FBXL7: variants seen among roughly 807,000 people sequenced by gnomAD.
The protein encoded by FBXL7 is F-box and leucine rich repeat protein 7.
Under a neutral mutation model 38.3 loss-of-function variants are expected in FBXL7, and 12 were observed. That is an observed-to-expected ratio of 0.31 (90% CI 0.20 to 0.51). FBXL7 has a LOEUF of 0.51. Ranked by LOEUF, FBXL7 falls within the 20% of genes least tolerant of loss-of-function variation. FBXL7 has a pLI of 0.98. For missense variants in FBXL7, 567 were observed against 676.4 expected, an observed-to-expected ratio of 0.84 and a Z score of 1.79; for synonymous variants, 297 against 300.9, an observed-to-expected ratio of 0.99 and a Z score of 0.13.
At chr5:15,619,913 GTCACTTCGTAGAA>G (rs1353592736) in intron 2 of FBXL7, among the ~76,000 whole-genome samples, 2 of 152,180 alleles carry the variant, frequency 1.3e-5, no homozygotes, top group African/African-American at 2.4e-5. Context: ...CACAGGTGTT[GTCACTTCGTAGAA>G]AACTCATGCA....
chr5:15,516,558 T>C (rs1580347044), intron 1 of FBXL7, among the ~76,000 whole-genome samples: 1 of 152,222 alleles, frequency 6.6e-6, no homozygotes, highest in Non-Finnish European at 1.5e-5. Flanking sequence ...CTATTCTAGA[T>C]TGATATGGTT....
chr5:15,529,462 T>C (rs967659706), intron 1 of FBXL7, among the ~76,000 whole-genome samples: 2 of 152,016 alleles, frequency 1.3e-5, no homozygotes, highest in South Asian at 2.1e-4. Context: ...CTCGGCTCAC[T>C]GCAAGCTCTG....
chr5:15,762,366 A>G (rs370098482), intron 2 of FBXL7, among the ~76,000 whole-genome samples: 81,643 of 140,156 alleles, frequency 0.58, 22,297 homozygotes, highest in East Asian at 0.69. Flanking sequence ...TCTGTTGGTT[A>G]GAAGCACCCT....
In FBXL7 at chr5:15,690,216, C is replaced by A. The variant is rs148440880; in HGVS notation, c.127+74144C>A. Among the ~76,000 whole-genome samples the A allele has an allele frequency of 2.5e-3, 384 of 152,238 alleles. 5 individuals carry two copies. Among genetic ancestry groups the A allele is most frequent in the African/African-American group, 8.4e-3 (351 of 41,540 alleles). On this transcript the variant is annotated intron_variant, in intron 2 of 3. Coordinates refer to ENST00000504595, the MANE Select transcript of FBXL7 (RefSeq NM_012304.5). Reference sequence around the variant, plus strand: ...TTGCTTTCCAACTTTCAAAACTCAGCAGTTACTTAAAATAATCAGTTTTAT... The same window carrying A: ...TTGCTTTCCAACTTTCAAAACTCAGAAGTTACTTAAAATAATCAGTTTTAT...
intron 1 of FBXL7, among the ~76,000 whole-genome samples, chr5:15,522,960 G>C (rs893447244): frequency 6.6e-6 from 1 of 152,128 alleles, no homozygotes; most frequent in South Asian, 2.1e-4. Context: ...TGTCCCATAC[G>C]GTGGCAACTA....
At position 15,624,274 on chromosome 5, in the gene FBXL7, C is replaced by T. The variant is rs375026439; in HGVS notation, c.127+8202C>T. 4.6e-5 allele frequency among the ~76,000 whole-genome samples: 7 copies of T among 152,266 alleles called. No individual in the cohort carries two copies. In the South Asian group the frequency reaches 6.2e-4, roughly 14 times the overall value. On this transcript the variant is annotated intron_variant, in intron 2 of 3. Coordinates refer to ENST00000504595, the MANE Select transcript of FBXL7 (RefSeq NM_012304.5). ...TGTTGAGTGGTGGGGCCTAATGGGC[C>T]GTGTTTGGGTCCTGGGGCAGATCCC...
intron 2 of FBXL7, among the ~76,000 whole-genome samples, chr5:15,777,748 T>TAAAAAAAAAAAAAA (rs1250146374): frequency 1.8e-3 from 161 of 89,328 alleles, no homozygotes; most frequent in East Asian, 4.5e-3. Context: ...AAAAAAAAAG[T>TAAAAAAAAAAAAAA]AAATTCCAGT....
At chr5:15,687,296 C>T (rs1165733522) in intron 2 of FBXL7, among the ~76,000 whole-genome samples, 1 of 152,256 alleles carries the variant, frequency 6.6e-6, no homozygotes, top group African/African-American at 2.4e-5. Context: ...CCTTTTCAGA[C>T]ATCTGAGCTT....
At chr5:15,912,517 A>G (rs1384715165) in intron 2 of FBXL7, among the ~76,000 whole-genome samples, 1 of 149,650 alleles carries the variant, frequency 6.7e-6, no homozygotes, top group Non-Finnish European at 1.5e-5. Flanking sequence ...TGTAGACCGG[A>G]GCTGTTCCTA....
At chr5:15,684,779 A>T (rs1243363749) in intron 2 of FBXL7, among the ~76,000 whole-genome samples, 1 of 152,200 alleles carries the variant, frequency 6.6e-6, no homozygotes, top group Non-Finnish European at 1.5e-5. Context: ...AAGTCAACAA[A>T]TGCAAGTGGT....
At chr5:15,774,708 A>G (rs1157796633) in intron 2 of FBXL7, among the ~76,000 whole-genome samples, 1 of 152,236 alleles carries the variant, frequency 6.6e-6, no homozygotes, top group Non-Finnish European at 1.5e-5. Context: ...AAACAATAAT[A>G]GTTTAATAAT....
chr5:15,923,870 GGTAA>G (rs1741811756), intron 2 of FBXL7, among the ~76,000 whole-genome samples: 1 of 151,942 alleles, frequency 6.6e-6, no homozygotes, highest in Non-Finnish European at 1.5e-5. Context: ...CCATGCACAG[GGTAA>G]GTATCTTTCA....
Position 15,937,165 on chromosome 5 carries a change from C to T in FBXL7, c.1455C>T (p.His485=), listed in dbSNP as rs1261159776. Residue 485 remains histidine (H), a synonymous_variant, in exon 4 of 4, where the codon CAC becomes CAT. Transcript: ENST00000504595. ...KRHCKRCVIE[H]TNPAFF ...ACTGCAAGCGCTGCGTCATCGAGCA[C>T]ACCAACCCGGCTTTCTTCTGAAGGG... 9 of 1,595,808 alleles carry T rather than the reference C, an allele frequency of 5.6e-6. No homozygotes were observed. Among genetic ancestry groups the T allele is most frequent in the Non-Finnish European group, 7.7e-6 (9 of 1,168,448 alleles).
chr5:15,656,834 T>C (rs530157284), intron 2 of FBXL7, among the ~76,000 whole-genome samples: 1 of 152,224 alleles, frequency 6.6e-6, no homozygotes, highest in South Asian at 2.1e-4. Flanking sequence ...ATCAAACTCA[T>C]TTTATATAAA....
chr5:15,506,904 A>G (rs946608194), intron 1 of FBXL7, among the ~76,000 whole-genome samples: 1 of 151,156 alleles, frequency 6.6e-6, no homozygotes, highest in African/African-American at 2.4e-5. Flanking sequence ...GAGGGCATAA[A>G]TTTATCATTT....
At chr5:15,672,329 T>A (rs978806370) in intron 2 of FBXL7, among the ~76,000 whole-genome samples, 4 of 152,198 alleles carry the variant, frequency 2.6e-5, no homozygotes, top group Non-Finnish European at 5.9e-5. Flanking sequence ...ATGTTAAAGA[T>A]CTTTAACTCC....
intron 2 of FBXL7, among the ~76,000 whole-genome samples, chr5:15,707,136 TA>T (rs991199409): frequency 2.7e-5 from 4 of 147,892 alleles, no homozygotes; most frequent in African/African-American, 9.8e-5. Context: ...TTTGCTACAT[TA>T]AAAATATGTC....
At chr5:15,651,492 C>G (rs535160232) in intron 2 of FBXL7, among the ~76,000 whole-genome samples, 23 of 152,292 alleles carry the variant, frequency 1.5e-4, no homozygotes, top group African/African-American at 5.3e-4. Flanking sequence ...CAACATTAAT[C>G]TACTTGTGCA....
chr5:15,697,072 G>A (rs547972047), intron 2 of FBXL7, among the ~76,000 whole-genome samples: 117 of 152,334 alleles, frequency 7.7e-4, no homozygotes, highest in Non-Finnish European at 1.3e-3. Context: ...AGCAGAGTAT[G>A]TAGGTAACCT....
Sources: allele counts gnomAD v4.1 joint callset (sites outside exome capture counted in the v4.1 genomes callset), GRCh38; gene constraint gnomAD v4.1.1; transcripts MANE v1.5; gene names NCBI Gene and HGNC (gene_info 2026-07-23, HGNC 2026-07-21).